The following TANC1 variants were observed in gnomAD, a reference collection of about 807,000 sequenced individuals.
The protein encoded by TANC1 is protein TANC1.
Under a neutral mutation model 149.7 loss-of-function variants are expected in TANC1, and 77 were observed. That is an observed-to-expected ratio of 0.51 (90% CI 0.43 to 0.62). TANC1 has a LOEUF of 0.62. Among genes scored for constraint, TANC1 ranks in the 20% least tolerant of loss-of-function variants. TANC1 has a pLI of 0.00. For missense variants in TANC1, 1,985 were observed against 2,321.8 expected, an observed-to-expected ratio of 0.85 and a Z score of 2.98; for synonymous variants, 854 against 925.0, an observed-to-expected ratio of 0.92 and a Z score of 1.39.
At chr2:159,128,358 A>T (rs193182946) in intron 4 of TANC1, among the ~76,000 whole-genome samples, 38 of 152,130 alleles carry the variant, frequency 2.5e-4, no homozygotes, top group African/African-American at 8.4e-4. Context: ...GTATCCCAGG[A>T]GTTGTGGGGG....
intron 7 of TANC1, among the ~76,000 whole-genome samples, chr2:159,152,170 T>C (rs1387404829): frequency 6.6e-6 from 1 of 152,200 alleles, no homozygotes; most frequent in Non-Finnish European, 1.5e-5. Context: ...AATTCCCCAT[T>C]CTCATCTTAC....
rs184499756 is a variant in TANC1 at position 159,019,787 on chromosome 2, A to C, written c.-16+18598A>C. ...AGGTGCGTGCCACCATGTCTGGCTGAGTTTTGTATTTTTTGATAGAGACGG... is the reference window on the plus strand; with the variant it reads ...AGGTGCGTGCCACCATGTCTGGCTGCGTTTTGTATTTTTTGATAGAGACGG... On this transcript the variant is annotated intron_variant, in intron 2 of 26. Transcript: ENST00000263635. Among the ~76,000 whole-genome samples the C allele has an allele frequency of 9.0e-4, 127 of 141,630 alleles. 1 individual carries two copies. The highest frequency in any genetic ancestry group is 3.2e-3 in the African/African-American group (122 of 37,884). The allele number at this position is 141,630 out of a possible 152,430, so 92.9% of individuals were successfully genotyped here.
intron 7 of TANC1, among the ~76,000 whole-genome samples, chr2:159,154,606 CT>C (rs2053222073): frequency 6.6e-6 from 1 of 152,160 alleles, no homozygotes; most frequent in Non-Finnish European, 1.5e-5. Flanking sequence ...GGGAGTCCCG[CT>C]TTATCCTCTT....
chr2:159,075,491 G>T (rs180981690), intron 3 of TANC1, among the ~76,000 whole-genome samples: 16 of 151,802 alleles, frequency 1.1e-4, no homozygotes, highest in African/African-American at 3.6e-4. Context: ...TGGGAGGATT[G>T]CTTGAGCCTG....
intron 14 of TANC1, among the ~76,000 whole-genome samples, chr2:159,185,227 C>G (rs1385997472): frequency 6.6e-6 from 1 of 152,176 alleles, no homozygotes; most frequent in East Asian, 1.9e-4. Context: ...GTCCTATGGA[C>G]ATGGAGGGCA....
chr2:158,969,853 C>A (rs1232168866), intron 1 of TANC1, among the ~76,000 whole-genome samples: 1 of 152,204 alleles, frequency 6.6e-6, no homozygotes, highest in Non-Finnish European at 1.5e-5. Context: ...AGCTCCAGAT[C>A]CGCGTGCCTC....
At chr2:159,050,403 T>C in intron 2 of TANC1, among the ~76,000 whole-genome samples, 1 of 152,244 alleles carries the variant, frequency 6.6e-6, no homozygotes, top group Non-Finnish European at 1.5e-5. Context: ...AGTTTTAAAT[T>C]AAACCAGGTT....
Position 159,212,714 on chromosome 2 carries a change from A to G in TANC1, c.3245-4783A>G, listed in dbSNP as rs956609960. On this transcript the variant is annotated intron_variant, in intron 19 of 26. Coordinates refer to ENST00000263635, the MANE Select transcript of TANC1 (RefSeq NM_033394.3). Reference sequence around the variant, plus strand: ...AGGCAGGCAGATCCACGAGGTCAAGAGTTGGAGACCATCCTGGCCAACATG... The same window carrying G: ...AGGCAGGCAGATCCACGAGGTCAAGGGTTGGAGACCATCCTGGCCAACATG... 2.0e-5 allele frequency among the ~76,000 whole-genome samples: 3 copies of G among 152,100 alleles called. No individual in the cohort carries two copies. In the East Asian group the frequency reaches 5.8e-4, roughly 29 times the overall value.
intron 2 of TANC1, among the ~76,000 whole-genome samples, chr2:159,037,753 T>C (rs913875026): frequency 2.6e-5 from 4 of 152,244 alleles, no homozygotes; most frequent in Non-Finnish European, 4.4e-5. Flanking sequence ...TTTTGGTTAC[T>C]GTAGCCTTGT....
At chr2:159,097,030 C>T (rs1208713325) in intron 3 of TANC1, among the ~76,000 whole-genome samples, 11 of 152,138 alleles carry the variant, frequency 7.2e-5, no homozygotes, top group East Asian at 1.9e-4. Flanking sequence ...GAGTGTCAAG[C>T]GGAAGCTGCC....
Position 159,097,808 on chromosome 2 carries a change from AATC to A in TANC1, c.235_237del (p.Ser79del). 1 of 1,613,434 alleles carries A rather than the reference AATC, an allele frequency of 6.2e-7. No individual in the cohort carries two copies. Among genetic ancestry groups the A allele is most frequent in the Middle Eastern group, 1.7e-4 (1 of 6,058 alleles). On this transcript the variant is annotated inframe_deletion, in exon 4 of 27. Coordinates refer to ENST00000263635, the MANE Select transcript of TANC1 (RefSeq NM_033394.3). The stretch of plus-strand genomic sequence containing the variant: ...CTGCCTCGACAGTCTCACTTGGTGC[AATC>A]AAGAGTGAACAAAAAATCCCCAGGT...
intron 2 of TANC1, among the ~76,000 whole-genome samples, chr2:159,062,892 G>A (rs1254033657): frequency 2.7e-5 from 4 of 146,688 alleles, no homozygotes; most frequent in South Asian, 2.2e-4. Flanking sequence ...GCGTGAACCC[G>A]GGAAGCGGAG....
chr2:159,110,157 C>T (rs553925368), intron 4 of TANC1, among the ~76,000 whole-genome samples: 2 of 152,166 alleles, frequency 1.3e-5, no homozygotes, highest in Non-Finnish European at 2.9e-5. Flanking sequence ...TTGTTGGCAA[C>T]ATGTTGCCAA....
At chr2:159,006,622 G>C (rs1043700596) in intron 2 of TANC1, among the ~76,000 whole-genome samples, 1 of 152,126 alleles carries the variant, frequency 6.6e-6, no homozygotes, top group Non-Finnish European at 1.5e-5. Context: ...ACAAATTTCA[G>C]TATTTTCTTT....
At chr2:159,067,106 G>A (rs2042738916) in intron 3 of TANC1, among the ~76,000 whole-genome samples, 2 of 152,146 alleles carry the variant, frequency 1.3e-5, no homozygotes, top group South Asian at 4.1e-4. Flanking sequence ...TATTACTAAA[G>A]CATCATAAAA....
chr2:159,153,362 G>C (rs1364323423), intron 7 of TANC1, among the ~76,000 whole-genome samples: 2 of 152,224 alleles, frequency 1.3e-5, no homozygotes, highest in Non-Finnish European at 2.9e-5. Context: ...GGCTGAGCAT[G>C]AAAAGTGGCA....
At chr2:158,982,156 G>A (rs1331070137) in intron 1 of TANC1, among the ~76,000 whole-genome samples, 1 of 152,132 alleles carries the variant, frequency 6.6e-6, no homozygotes, top group African/African-American at 2.4e-5. Context: ...AATGGTAGCT[G>A]TCATAAGCAG....
rs527641820 is a variant in TANC1 at position 159,029,040 on chromosome 2, G to T, written c.-16+27851G>T. ...CAAAGTGTTGGGATTACAGGTGTGA[G>T]CCACAGTGCCTAGCAGAGTTTGACT... is the stretch of plus-strand genomic sequence containing the variant. On this transcript the variant is annotated intron_variant, in intron 2 of 26. Transcript: ENST00000263635. Among the ~76,000 whole-genome samples, 167 of 152,318 alleles carry T rather than the reference G, an allele frequency of 1.1e-3. 2 individuals are homozygous for T. The South Asian group carries it at 0.013, about 12-fold the overall frequency.
intron 1 of TANC1, among the ~76,000 whole-genome samples, chr2:158,985,953 T>G (rs1573966674): frequency 6.6e-6 from 1 of 152,230 alleles, no homozygotes; most frequent in South Asian, 2.1e-4. Context: ...CTGGGCCCCC[T>G]TTGATTGGTT....
Sources: allele counts gnomAD v4.1 joint callset (sites outside exome capture counted in the v4.1 genomes callset), GRCh38; gene constraint gnomAD v4.1.1; transcripts MANE v1.5; gene names NCBI Gene and HGNC (gene_info 2026-07-23, HGNC 2026-07-21).